Variants in MYO6 observed in about 807,000 individuals in gnomAD.
MYO6 encodes the protein myosin VI.
Under a neutral mutation model 178.7 loss-of-function variants are expected in MYO6, and 74 were observed. The observed-to-expected ratio is 0.41, with a 90% CI of 0.34 to 0.50. The LOEUF (loss-of-function observed/expected upper bound fraction) is 0.50, where lower values mean the gene tolerates loss of function less well. Among genes scored for constraint, MYO6 ranks in the 20% least tolerant of loss-of-function variants. MYO6 has a pLI of 0.09. For synonymous variants in MYO6, 477 were observed against 504.6 expected (o/e 0.95, Z 0.73); for missense variants, 1,330 against 1,547.4 (o/e 0.86, Z 2.36).
chr6:75,785,430 A>T, intron 1 of MYO6, among the ~76,000 whole-genome samples: 1 of 146,110 alleles, frequency 6.8e-6, no homozygotes, highest in African/African-American at 2.5e-5. Flanking sequence ...GTTGTTTTGG[A>T]TCCTAGTTTT....
intron 16 of MYO6, among the ~76,000 whole-genome samples, chr6:75,865,788 G>A (rs146360794): frequency 5.9e-5 from 9 of 152,142 alleles, no homozygotes; most frequent in African/African-American, 2.2e-4. Context: ...AACCTAAAAT[G>A]ATTTAGTTTT....
chr6:75,838,054 CTTTT>C (rs35550064), intron 7 of MYO6, among the ~76,000 whole-genome samples: 1 of 136,206 alleles, frequency 7.3e-6, no homozygotes. Flanking sequence ...TCTATAGCTT[CTTTT>C]TTTTTTTTTT....
intron 14 of MYO6, among the ~76,000 whole-genome samples, chr6:75,860,428 A>C (rs866343504): frequency 6.6e-5 from 10 of 152,184 alleles, no homozygotes; most frequent in Non-Finnish European, 1.2e-4. Flanking sequence ...TCCCTTCTAC[A>C]CCAACCTACC....
At chr6:75,791,495 T>C (rs1442908060) in intron 1 of MYO6, among the ~76,000 whole-genome samples, 1 of 152,200 alleles carries the variant, frequency 6.6e-6, no homozygotes, top group Non-Finnish European at 1.5e-5. Flanking sequence ...ATCCTAAAAA[T>C]GTAATAATAT....
chr6:75,767,981 T>A (rs1266766688), intron 1 of MYO6: 1 of 152,172 alleles, frequency 6.6e-6, no homozygotes, highest in Admixed American at 6.5e-5. Context: ...GGGTATCAAG[T>A]GATTCTCCTG....
chr6:75,750,677 C>T (rs1027274762), intron 1 of MYO6, among the ~76,000 whole-genome samples: 3 of 151,526 alleles, frequency 2.0e-5, no homozygotes, highest in Non-Finnish European at 4.4e-5. Flanking sequence ...CTCCCAGGTT[C>T]GAACGATTGA....
chr6:75,819,025 G>T (rs1183448620), intron 2 of MYO6, among the ~76,000 whole-genome samples: 2 of 152,110 alleles, frequency 1.3e-5, no homozygotes, highest in African/African-American at 4.8e-5. Flanking sequence ...TGTATTCACA[G>T]GTGACAAAAC....
chr6:75,777,266 T>C (rs1184301275), intron 1 of MYO6, among the ~76,000 whole-genome samples: 5 of 152,164 alleles, frequency 3.3e-5, no homozygotes, highest in Non-Finnish European at 7.4e-5. Context: ...ACTCCCAAGC[T>C]CAAGTGATAA....
At position 75,788,736 on chromosome 6, in the gene MYO6, T is replaced by C. The variant is rs114920649; in HGVS notation, c.-47-28765T>C. ...TACAGGCATGAACCACTGCCTCCGG[T>C]CCAGAATGATTTTGTCAGAAGAAGC... On this transcript the variant is annotated intron_variant, in intron 1 of 34. Transcript: ENST00000369977. Among the ~76,000 whole-genome samples, 919 of 152,202 alleles carry C rather than the reference T, an allele frequency of 6.0e-3. 14 individuals carry two copies. The highest frequency in any genetic ancestry group is 0.021 in the African/African-American group (870 of 41,536).
At chr6:75,779,501 G>GAA (rs952830675) in intron 1 of MYO6, among the ~76,000 whole-genome samples, 1 of 142,748 alleles carries the variant, frequency 7.0e-6, no homozygotes, top group Non-Finnish European at 1.5e-5. Context: ...GATTCCATCT[G>GAA]AAAAAAAAAA....
chr6:75,789,551 C>T (rs1007350649), intron 1 of MYO6, among the ~76,000 whole-genome samples: 25 of 151,534 alleles, frequency 1.6e-4, no homozygotes, highest in Admixed American at 6.6e-5. Context: ...TTTCACCTGC[C>T]CCTCCCTCTC....
intron 32 of MYO6, among the ~76,000 whole-genome samples, chr6:75,909,588 C>A (rs1229122340): frequency 6.6e-6 from 1 of 152,154 alleles, no homozygotes; most frequent in East Asian, 1.9e-4. Context: ...TAACCTAGTA[C>A]AAGCATGCAT....
chr6:75,867,110 T>A lies in MYO6; in HGVS notation c.1944+5T>A. 6.3e-7 allele frequency: 1 copy of A among 1,589,804 alleles called. No homozygotes were observed. The highest frequency in any genetic ancestry group is 8.5e-7 in the Non-Finnish European group (1 of 1,169,864). On this transcript the variant is annotated splice_donor_5th_base_variant and intron_variant, in intron 18 of 34. Coordinates refer to ENST00000369977, the MANE Select transcript of MYO6 (RefSeq NM_004999.4). ...AGCGTGGGAAACAAGTTTAAGGTAT[T>A]TGTGTTATTTAATTTTTTTTTTACT...
At chr6:75,801,569 A>G (rs1473541659) in intron 1 of MYO6, among the ~76,000 whole-genome samples, 6 of 152,090 alleles carry the variant, frequency 3.9e-5, no homozygotes, top group Non-Finnish European at 7.4e-5. Context: ...ATTTTCAGAG[A>G]TAGTTTAGTA....
chr6:75,857,880 T>C (rs1487513976), intron 13 of MYO6, among the ~76,000 whole-genome samples: 1 of 152,160 alleles, frequency 6.6e-6, no homozygotes, highest in Non-Finnish European at 1.5e-5. Context: ...TCTAATGGGT[T>C]TTGTATTGGG....
chr6:75,856,170 G>T (rs1775702831), intron 12 of MYO6, among the ~76,000 whole-genome samples: 2 of 152,272 alleles, frequency 1.3e-5, no homozygotes, highest in African/African-American at 4.8e-5. Context: ...TGGTTCCTTA[G>T]AGATATCTCT....
chr6:75,888,233 G>T (rs542923089), intron 25 of MYO6, among the ~76,000 whole-genome samples: 1 of 152,256 alleles, frequency 6.6e-6, no homozygotes, highest in African/African-American at 2.4e-5. Flanking sequence ...AGTGAGCCAA[G>T]ATTGTGCCAC....
At chr6:75,794,427 G>A (rs1322443978) in intron 1 of MYO6, among the ~76,000 whole-genome samples, 2 of 152,128 alleles carry the variant, frequency 1.3e-5, no homozygotes, top group East Asian at 3.9e-4. Context: ...TAATAGGGGT[G>A]AAATAAAAAG....
At position 75,862,575 on chromosome 6, in the gene MYO6, TG is replaced by T. The variant is rs1481768315; in HGVS notation, c.1547-20del. ...TGTTATGTTTTTACACTATTGTGAG[TG>T]TTTTCATTTTTTGAAATAGATTTAA... On this transcript the variant is annotated intron_variant, in intron 15 of 34. Coordinates refer to ENST00000369977, the MANE Select transcript of MYO6 (RefSeq NM_004999.4). 1 of 1,595,974 alleles carries T rather than the reference TG, an allele frequency of 6.3e-7. No homozygotes were observed.
Sources: allele counts gnomAD v4.1 joint callset (sites outside exome capture counted in the v4.1 genomes callset), GRCh38; gene constraint gnomAD v4.1.1; transcripts MANE v1.5; gene names NCBI Gene and HGNC (gene_info 2026-07-23, HGNC 2026-07-21).